Variants in YWHAQ observed in about 807,000 individuals in gnomAD.
YWHAQ encodes the protein tyrosine 3-monooxygenase/tryptophan 5-monooxygenase activation protein theta.
Under a neutral mutation model 28.3 loss-of-function variants are expected in YWHAQ, and 6 were observed. The ratio of observed to expected loss-of-function variants is 0.21; its 90% CI spans 0.12 to 0.42. The LOEUF (loss-of-function observed/expected upper bound fraction) is 0.42. Ranked by LOEUF, YWHAQ falls within the 10% of genes least tolerant of loss-of-function variation. The pLI, the probability that YWHAQ is intolerant of heterozygous loss-of-function variation, is 1.00. For missense variants in YWHAQ, 201 were observed against 305.6 expected (o/e 0.66, Z 2.55); for synonymous variants, 143 against 119.1 (o/e 1.20, Z -1.31).
rs199757991 is a variant in YWHAQ at position 9,593,905 on chromosome 2, AAT to A, written c.295-2392_295-2391del. Among the ~76,000 whole-genome samples, 186 of 127,608 alleles carry A rather than the reference AAT, an allele frequency of 1.5e-3. 1 individual carries two copies. Among genetic ancestry groups the A allele is most frequent in the East Asian group, 5.0e-3 (25 of 5,014 alleles). 83.7% of individuals were successfully genotyped at this position (127,608 alleles called of 152,430 possible). A position where few individuals can be genotyped will look rare whatever the true frequency, so the allele number is the denominator to read the frequency against. On this transcript the variant is annotated intron_variant, in intron 2 of 5. Coordinates refer to ENST00000238081, the MANE Select transcript of YWHAQ (RefSeq NM_006826.4). ...AAAATATTTTAAATAGATTAAAAAA[AAT>A]ATATATATATATATATACACACACA...
intron 2 of YWHAQ, among the ~76,000 whole-genome samples, chr2:9,628,534 C>G (rs759608982): frequency 6.6e-5 from 10 of 152,210 alleles, no homozygotes; most frequent in Non-Finnish European, 1.3e-4. Flanking sequence ...TTCAAGGTAA[C>G]TAATTGAAAA....
At chr2:9,608,156 G>A (rs1369438465) in intron 2 of YWHAQ, among the ~76,000 whole-genome samples, 1 of 152,186 alleles carries the variant, frequency 6.6e-6, no homozygotes, top group African/African-American at 2.4e-5. Context: ...CGGCAACACA[G>A]TGAGACTGAG....
chr2:9,606,330 C>T (rs1013314398), intron 2 of YWHAQ, among the ~76,000 whole-genome samples: 1 of 152,116 alleles, frequency 6.6e-6, no homozygotes, highest in African/African-American at 2.4e-5. Flanking sequence ...CTTTGGGAGG[C>T]CAAGGCAGGC....
At chr2:9,600,142 T>C (rs999129698) in intron 2 of YWHAQ, among the ~76,000 whole-genome samples, 1 of 152,202 alleles carries the variant, frequency 6.6e-6, no homozygotes, top group African/African-American at 2.4e-5. Context: ...AAATGGAGCC[T>C]GAAGATGTGA....
chr2:9,614,432 A>G (rs796996541), intron 2 of YWHAQ, among the ~76,000 whole-genome samples: 3 of 152,176 alleles, frequency 2.0e-5, no homozygotes, highest in Non-Finnish European at 4.4e-5. Flanking sequence ...TTTAGCCATT[A>G]ATTTGTGGAG....
At chr2:9,623,065 C>T (rs966900085) in intron 2 of YWHAQ, among the ~76,000 whole-genome samples, 1 of 152,186 alleles carries the variant, frequency 6.6e-6, no homozygotes. Context: ...AAAGCAACAC[C>T]TTGACTGAAC....
In YWHAQ at chr2:9,614,228, A is replaced by C. The variant is rs112773015; in HGVS notation, c.294+15931T>G. On this transcript the variant is annotated intron_variant, in intron 2 of 5. Coordinates refer to ENST00000238081, the MANE Select transcript of YWHAQ (RefSeq NM_006826.4). ...CACTGGTGACACATACTACATTCCA[A>C]ATCTGTCAATCTGCATTAAAAACAA... Among the ~76,000 whole-genome samples, 749 of 152,352 alleles carry C rather than the reference A, an allele frequency of 4.9e-3. 4 individuals carry two copies. Among genetic ancestry groups the C allele is most frequent in the Admixed American group, 0.012 (185 of 15,288 alleles).
intron 2 of YWHAQ, among the ~76,000 whole-genome samples, chr2:9,612,069 T>C (rs1389326047): frequency 6.6e-6 from 1 of 152,242 alleles, no homozygotes; most frequent in Non-Finnish European, 1.5e-5. Context: ...GTTTTCACTC[T>C]CCATTTCCCA....
chr2:9,622,784 AAT>A (rs1188786358), intron 2 of YWHAQ, among the ~76,000 whole-genome samples: 22 of 152,354 alleles, frequency 1.4e-4, no homozygotes, highest in African/African-American at 3.8e-4. Context: ...ATATGCAAAC[AAT>A]AGTTTCAAAT....
rs1667351265 is a variant in YWHAQ, at chr2:9,630,558, G to A, written c.-82-24C>T. On this transcript the variant is annotated intron_variant, in intron 1 of 5. Coordinates refer to ENST00000238081, the MANE Select transcript of YWHAQ (RefSeq NM_006826.4). The surrounding 1 kb of genome is among the most constrained non-coding windows in gnomAD (Gnocchi z 5.6). Reference sequence around the variant, plus strand: ...AGCTGCGGAGGGGCGGGGCGGCGAGGCGAGAACAAAAAGCAGAGAGGGAGC... The same window carrying A: ...AGCTGCGGAGGGGCGGGGCGGCGAGACGAGAACAAAAAGCAGAGAGGGAGC... 5.0e-6 allele frequency: 6 copies of A among 1,189,866 alleles called. No homozygotes were observed. The highest frequency in any genetic ancestry group is 3.0e-5 in the Admixed American group (1 of 33,380). The allele number at this position is 1,189,866 out of a possible 1,614,324, so 73.7% of individuals were successfully genotyped here.
intron 2 of YWHAQ, among the ~76,000 whole-genome samples, chr2:9,607,484 G>A (rs1666855407): frequency 6.6e-6 from 1 of 151,924 alleles, no homozygotes; most frequent in Non-Finnish European, 1.5e-5. Context: ...TAGGATTACA[G>A]GCGTGAGCCA....
chr2:9,617,617 C>G (rs1015229155), intron 2 of YWHAQ, among the ~76,000 whole-genome samples: 1 of 152,120 alleles, frequency 6.6e-6, no homozygotes, highest in Non-Finnish European at 1.5e-5. Flanking sequence ...TTTTATGTTA[C>G]GTGTTATCTT....
chr2:9,587,193 T>C lies in YWHAQ; in HGVS notation c.678+221A>G, dbSNP rs200017562. Reference sequence around the variant, plus strand: ...TCCCAATGAAATAGTAATATTAATATTGAGTTCCTATCATGTTAGAACCTT... The same window carrying C: ...TCCCAATGAAATAGTAATATTAATACTGAGTTCCTATCATGTTAGAACCTT... On this transcript the variant is annotated intron_variant, in intron 5 of 5. Transcript: ENST00000238081. Among the ~76,000 whole-genome samples, 14 of 152,326 alleles carry C rather than the reference T, an allele frequency of 9.2e-5. No individual in the cohort carries two copies. The East Asian group carries it at 2.3e-3, about 25-fold the overall frequency.
intron 2 of YWHAQ, among the ~76,000 whole-genome samples, chr2:9,614,588 C>T (rs1362446852): frequency 6.6e-6 from 1 of 152,170 alleles, no homozygotes; most frequent in Admixed American, 6.5e-5. Flanking sequence ...AAAAATAGGT[C>T]AAAATTGCCT....
At chr2:9,599,419 C>T (rs184203250) in intron 2 of YWHAQ, among the ~76,000 whole-genome samples, 109 of 152,254 alleles carry the variant, frequency 7.2e-4, no homozygotes, top group African/African-American at 2.5e-3. Flanking sequence ...CAGAAGATGC[C>T]ATCAAGTACT....
chr2:9,598,011 T>TTG lies in YWHAQ; in HGVS notation c.295-6497_295-6496insCA, dbSNP rs1553373003. 5.5e-4 allele frequency among the ~76,000 whole-genome samples: 76 copies of TTG among 137,098 alleles called. 1 individual carries two copies. Among genetic ancestry groups the TTG allele is most frequent in the Non-Finnish European group, 1.1e-3 (68 of 62,522 alleles). 89.9% of individuals were successfully genotyped at this position (137,098 alleles called of 152,430 possible). A position where few individuals can be genotyped will look rare whatever the true frequency, so the allele number is the denominator to read the frequency against. On this transcript the variant is annotated intron_variant, in intron 2 of 5. Coordinates refer to ENST00000238081, the MANE Select transcript of YWHAQ (RefSeq NM_006826.4). ...TTTTTTTTTTTTTTTTTTTTTTTTTTTTAGTAGAGACAAGGTTTCTCCATG... is the reference window on the plus strand; with the variant it reads ...TTTTTTTTTTTTTTTTTTTTTTTTTTTGTTAGTAGAGACAAGGTTTCTCCATG...
At chr2:9,626,682 T>C (rs542722991) in intron 2 of YWHAQ, among the ~76,000 whole-genome samples, 1 of 152,322 alleles carries the variant, frequency 6.6e-6, no homozygotes, top group African/African-American at 2.4e-5. Context: ...CCACCAGCCT[T>C]GGCCTCCCAA....
chr2:9,613,722 T>C (rs1666994726), intron 2 of YWHAQ, among the ~76,000 whole-genome samples: 1 of 152,234 alleles, frequency 6.6e-6, no homozygotes, highest in African/African-American at 2.4e-5. Flanking sequence ...TATCAACATC[T>C]GCTATAGCAC....
intron 2 of YWHAQ, among the ~76,000 whole-genome samples, chr2:9,607,963 C>T (rs1349549780): frequency 3.3e-5 from 5 of 151,746 alleles, no homozygotes. Flanking sequence ...CCACCTCAGC[C>T]TCCCAAAGTG....
Sources: allele counts gnomAD v4.1 joint callset (sites outside exome capture counted in the v4.1 genomes callset), GRCh38; gene constraint gnomAD v4.1.1; non-coding constraint Gnocchi (gnomAD v3.1); transcripts MANE v1.5; gene names NCBI Gene and HGNC (gene_info 2026-07-23, HGNC 2026-07-21).